SPIN1: variants seen among roughly 807,000 people sequenced by gnomAD.
SPIN1 encodes the protein spindlin 1, also known as spindlin-1.
Under a neutral mutation model 26.0 loss-of-function variants are expected in SPIN1, and 3 were observed. The ratio of observed to expected loss-of-function variants is 0.12; its 90% CI spans 0.05 to 0.30. The LOEUF is 0.30. Ranked by LOEUF, SPIN1 falls within the 10% of genes least tolerant of loss-of-function variation. The pLI is 1.00. For synonymous variants in SPIN1, 101 were observed against 116.5 expected, an observed-to-expected ratio of 0.87 and a Z score of 0.86; for missense variants, 126 against 333.4, an observed-to-expected ratio of 0.38 and a Z score of 4.84.
intron 2 of SPIN1, among the ~76,000 whole-genome samples, chr9:88,432,322 G>A (rs1732645334): frequency 6.6e-6 from 1 of 151,402 alleles, no homozygotes; most frequent in South Asian, 2.1e-4. Flanking sequence ...CCCAAGTAGT[G>A]GAATTACAGG....
chr9:88,449,249 G>T (rs1264020755), intron 3 of SPIN1, among the ~76,000 whole-genome samples: 1 of 151,958 alleles, frequency 6.6e-6, no homozygotes, highest in Admixed American at 6.6e-5. Flanking sequence ...AACTGTTATG[G>T]TAAGTGTGGC....
chr9:88,459,704 T>G (rs934868492), intron 3 of SPIN1, among the ~76,000 whole-genome samples: 3 of 152,222 alleles, frequency 2.0e-5, no homozygotes, highest in Non-Finnish European at 4.4e-5. Context: ...ATGTATTCAT[T>G]GCTTTCTCTC....
At chr9:88,450,722 A>G (rs1178815644) in intron 3 of SPIN1, among the ~76,000 whole-genome samples, 1 of 152,204 alleles carries the variant, frequency 6.6e-6, no homozygotes, top group South Asian at 2.1e-4. Context: ...GCATATTACT[A>G]TCTAGCAAAA....
chr9:88,451,339 G>A (rs1243855912), intron 3 of SPIN1, among the ~76,000 whole-genome samples: 1 of 152,264 alleles, frequency 6.6e-6, no homozygotes, highest in Non-Finnish European at 1.5e-5. Flanking sequence ...ACCTGTCCCC[G>A]AAGGTGTTAG....
chr9:88,448,781 A>C (rs1828303156), intron 2 of SPIN1, among the ~76,000 whole-genome samples, 160 bp from the exon 3 acceptor site: 1 of 151,946 alleles, frequency 6.6e-6, no homozygotes, highest in Non-Finnish European at 1.5e-5. Context: ...TCTCTTTTTT[A>C]AAAGTTCAGT....
chr9:88,453,892 T>C (rs1024310442), intron 3 of SPIN1, among the ~76,000 whole-genome samples: 3 of 152,242 alleles, frequency 2.0e-5, no homozygotes, highest in Middle Eastern at 3.2e-3. Flanking sequence ...ATTATGGCAA[T>C]GAAAGGTCAT....
At chr9:88,437,245 C>T (rs1018002700) in intron 2 of SPIN1, among the ~76,000 whole-genome samples, 4 of 152,052 alleles carry the variant, frequency 2.6e-5, no homozygotes, top group African/African-American at 7.2e-5. Context: ...CACCTGTAAT[C>T]CCAGTATTTT....
At chr9:88,461,401 C>T (rs980213228) in intron 3 of SPIN1, among the ~76,000 whole-genome samples, 2 of 152,138 alleles carry the variant, frequency 1.3e-5, no homozygotes, top group African/African-American at 4.8e-5. Context: ...AGAGAAGCTT[C>T]CCTTCTGCGG....
intron 1 of SPIN1, among the ~76,000 whole-genome samples, chr9:88,388,771 C>T (rs1826845865): frequency 6.7e-6 from 1 of 149,806 alleles, no homozygotes; most frequent in Non-Finnish European, 1.5e-5. Context: ...GTTCGCCGGC[C>T]CCTACTCCTC....
At chr9:88,392,152 CCTTT>C (rs1343245461) in intron 1 of SPIN1, among the ~76,000 whole-genome samples, 3 of 152,124 alleles carry the variant, frequency 2.0e-5, no homozygotes, top group African/African-American at 7.2e-5. Flanking sequence ...ATTTCCTTCT[CCTTT>C]CTACTTTTGA....
In SPIN1 at chr9:88,455,370, C is replaced by T. The variant is rs369359093; in HGVS notation, c.101+6381C>T. Among the ~76,000 whole-genome samples, 402 of 152,236 alleles carry T rather than the reference C, an allele frequency of 2.6e-3. 2 individuals carry two copies. The highest frequency in any genetic ancestry group is 0.014 in the Middle Eastern group (4 of 294). ...ACTCGGGAGGCTGAGGCAGGAGAAT[C>T]GCTTGAACCGGGGAGACAGAGGTTG... On this transcript the variant is annotated intron_variant, in intron 3 of 5. Transcript: ENST00000375859.
At chr9:88,417,253 A>C (rs1442001560) in intron 1 of SPIN1, among the ~76,000 whole-genome samples, 1 of 152,160 alleles carries the variant, frequency 6.6e-6, no homozygotes, top group Non-Finnish European at 1.5e-5. Flanking sequence ...GGAGAAACAA[A>C]TTCTTATTCT....
At chr9:88,461,572 A>G (rs187314186) in intron 3 of SPIN1, among the ~76,000 whole-genome samples, 1 of 152,272 alleles carries the variant, frequency 6.6e-6, no homozygotes, top group Admixed American at 6.5e-5. Flanking sequence ...TTTGTGTTAT[A>G]TGTCAGATAT....
At chr9:88,391,039 A>G (rs1826911162) in intron 1 of SPIN1, among the ~76,000 whole-genome samples, 1 of 152,076 alleles carries the variant, frequency 6.6e-6, no homozygotes, top group Admixed American at 6.6e-5. Context: ...CTTGCCCCAC[A>G]AGTTGCTTTA....
At chr9:88,441,772 A>G (rs1313590853) in intron 2 of SPIN1, among the ~76,000 whole-genome samples, 4 of 149,042 alleles carry the variant, frequency 2.7e-5, no homozygotes, top group African/African-American at 9.8e-5. Flanking sequence ...AAATAAATAA[A>G]TAAAAGTTTT....
chr9:88,454,822 T>G (rs1403663839), intron 3 of SPIN1, among the ~76,000 whole-genome samples: 1 of 152,230 alleles, frequency 6.6e-6, no homozygotes, highest in Non-Finnish European at 1.5e-5. Flanking sequence ...GAACTTTGGC[T>G]GCTGAGCAGC....
intron 2 of SPIN1, among the ~76,000 whole-genome samples, chr9:88,432,720 C>G (rs762647961): frequency 2.6e-5 from 4 of 152,106 alleles, no homozygotes; most frequent in Admixed American, 2.0e-4. Context: ...AACTCCTGAT[C>G]TTGTGATCTG....
intron 1 of SPIN1, among the ~76,000 whole-genome samples, chr9:88,390,452 C>T (rs1474785681): frequency 6.6e-6 from 1 of 152,230 alleles, no homozygotes; most frequent in Admixed American, 6.5e-5. Context: ...CTTCCAGTGA[C>T]TTACCTGATT....
At position 88,397,752 on chromosome 9, in the gene SPIN1, G is replaced by T. The variant is rs570386501; in HGVS notation, c.-159+9214G>T. ...TTCTCACTCCTCAGTCTCCCAAGTA[G>T]CTGGGAGTACAGGTGCGTGCCACCA... On this transcript the variant is annotated intron_variant, in intron 1 of 5. Coordinates refer to ENST00000375859, the MANE Select transcript of SPIN1 (RefSeq NM_006717.3). Among the ~76,000 whole-genome samples, 1,282 of 151,956 alleles carry T rather than the reference G, an allele frequency of 8.4e-3. 22 individuals are homozygous for T. Among genetic ancestry groups the T allele is most frequent in the Middle Eastern group, 0.038 (11 of 292 alleles).
Sources: allele counts gnomAD v4.1 joint callset (sites outside exome capture counted in the v4.1 genomes callset), GRCh38; gene constraint gnomAD v4.1.1; transcripts MANE v1.5; gene names NCBI Gene and HGNC (gene_info 2026-07-23, HGNC 2026-07-21).